NR2F2: variants seen among roughly 807,000 people sequenced by gnomAD.
The protein encoded by NR2F2 is COUP transcription factor 2.
In NR2F2, 2 loss-of-function variants were observed where a neutral mutation model predicts 34.8. The observed-to-expected ratio is 0.06, with a 90% CI of 0.02 to 0.18. The LOEUF (loss-of-function observed/expected upper bound fraction) is 0.18. NR2F2 is among the 10% of genes least tolerant of loss of function. The probability of loss-of-function intolerance (pLI) is 1.00; values close to 1 mark genes in which losing one functional copy is unlikely to be tolerated. For missense variants in NR2F2, 300 were observed against 580.1 expected (o/e 0.52, Z 4.96); for synonymous variants, 274 against 251.8 (o/e 1.09, Z -0.84).
chr15:96,334,247 A>G lies in NR2F2; in HGVS notation c.614A>G (p.Asn205Ser). 3 of 1,614,140 alleles carry G rather than the reference A, an allele frequency of 1.9e-6. No individual in the cohort carries two copies. The highest frequency in any genetic ancestry group is 2.5e-6 in the Non-Finnish European group (3 of 1,180,022). The change falls in exon 2 of 3, where the codon AAC becomes AGC. Residue 205 changes from asparagine to serine, a missense_variant. Transcript: ENST00000394166. ...RFGSQCMQPN[N>S]IMGIENICEL... ...GGCAGCCAATGCATGCAGCCCAACAACATCATGGGTATCGAGAACATTTGC... is the reference window on the plus strand; with the variant it reads ...GGCAGCCAATGCATGCAGCCCAACAGCATCATGGGTATCGAGAACATTTGC...
At position 96,332,087 on chromosome 15, in the gene NR2F2, G is replaced by C; in HGVS notation, c.-19G>C. The C allele has an allele frequency of 7.7e-7, 1 of 1,295,600 alleles. No homozygotes were observed. Among genetic ancestry groups the C allele is most frequent in the Non-Finnish European group, 9.8e-7 (1 of 1,020,804 alleles). The allele number at this position is 1,295,600 out of a possible 1,614,324, so 80.3% of individuals were successfully genotyped here. A position where few individuals can be genotyped will look rare whatever the true frequency, so the allele number is the denominator to read the frequency against. ...CCGCAGCCAGGGGAGCAGGAAGTCCGGACGCAGCCCCCATAGATATGGCAA... is the reference window on the plus strand; with the variant it reads ...CCGCAGCCAGGGGAGCAGGAAGTCCCGACGCAGCCCCCATAGATATGGCAA... On this transcript the variant is annotated 5_prime_UTR_variant, in exon 1 of 3. Coordinates refer to ENST00000394166, the MANE Select transcript of NR2F2 (RefSeq NM_021005.4).
Position 96,331,923 on chromosome 15 carries a change from A to G in NR2F2, c.-183A>G. ...AACTTTGCAAAAGCAAAAACAAAAA[A>G]GGAAAAACTAACCAACCTCAACCAA... On this transcript the variant is annotated 5_prime_UTR_variant, in exon 1 of 3. Transcript: ENST00000394166. 4.1e-6 allele frequency: 5 copies of G among 1,208,038 alleles called. No homozygotes were observed. The highest frequency in any genetic ancestry group is 5.1e-6 in the Non-Finnish European group (5 of 973,286). 74.8% of individuals were successfully genotyped at this position (1,208,038 alleles called of 1,614,324 possible).
rs1473207975 is a variant in NR2F2, at chr15:96,331,595, C to G, written c.-511C>G. The G allele has an allele frequency of 8.2e-7, 1 of 1,220,386 alleles. No homozygotes were observed. Among genetic ancestry groups the G allele is most frequent in the Non-Finnish European group, 1.0e-6 (1 of 979,930 alleles). The allele number at this position is 1,220,386 out of a possible 1,614,324, so 75.6% of individuals were successfully genotyped here. ...CCTCTTCCTCCTCCTCCTCCTCCTC[C>G]TCCTCCGCCAACTCCTCGGCTGCAC... On this transcript the variant is annotated 5_prime_UTR_variant, in exon 1 of 3. Coordinates refer to ENST00000394166, the MANE Select transcript of NR2F2 (RefSeq NM_021005.4).
chr15:96,331,052 GGCAGCAGCAGCA>G lies in NR2F2; in HGVS notation c.-1048_-1037del, dbSNP rs916162993. 3 of 1,238,762 alleles carry G rather than the reference GGCAGCAGCAGCA, an allele frequency of 2.4e-6. No homozygotes were observed. The highest frequency in any genetic ancestry group is 3.0e-6 in the Non-Finnish European group (3 of 994,818). The allele number at this position is 1,238,762 out of a possible 1,614,324, so 76.7% of individuals were successfully genotyped here. A position where few individuals can be genotyped will look rare whatever the true frequency, so the allele number is the denominator to read the frequency against. On this transcript the variant is annotated 5_prime_UTR_variant, in exon 1 of 3. Coordinates refer to ENST00000394166, the MANE Select transcript of NR2F2 (RefSeq NM_021005.4). ...TTCCCTATGTGTGTGAGGCGGCGGC[GGCAGCAGCAGCA>G]GCAGCGGCTCCGGCGGCGGCAGCAG... is the stretch of plus-strand genomic sequence containing the variant.
At chr15:96,327,986 C>T (rs1027574555), upstream of NR2F2, among the ~76,000 whole-genome samples, 2 of 152,206 alleles carry the variant, frequency 1.3e-5, no homozygotes, top group African/African-American at 2.4e-5. Context: ...TTGATTTTAT[C>T]TTCTCAGAGC....
At position 96,331,442 on chromosome 15, in the gene NR2F2, G is replaced by A. The variant is rs1224713445; in HGVS notation, c.-664G>A. ...TGGCTCCCTGGGCGCGCCCGCACCC[G>A]GCGCCTCCGATCTCCTAGTCCTCCT... On this transcript the variant is annotated 5_prime_UTR_variant, in exon 1 of 3. Coordinates refer to ENST00000394166, the MANE Select transcript of NR2F2 (RefSeq NM_021005.4). 8.1e-7 allele frequency: 1 copy of A among 1,231,304 alleles called. No individual in the cohort carries two copies. The highest frequency in any genetic ancestry group is 1.0e-6 in the Non-Finnish European group (1 of 988,038). 76.3% of individuals were successfully genotyped at this position (1,231,304 alleles called of 1,614,324 possible). A position where few individuals can be genotyped will look rare whatever the true frequency, so the allele number is the denominator to read the frequency against.
chr15:96,332,682 A>G (rs1899180389), intron 1 of NR2F2, 135 bp downstream of exon 1: 2 of 1,446,602 alleles, frequency 1.4e-6, no homozygotes, highest in South Asian at 1.5e-5. Context: ...GTTTTATACT[A>G]GAAGCGAGTT....
Position 96,337,616 on chromosome 15 carries a change from T to C in NR2F2, c.1239T>C (p.Ile413=), listed in dbSNP as rs773598271. ...GTTTTAACTGGCCGTATATGGCAAT[T>C]CAATAAATAAATAAAATAAGAAGGG... The part of the protein sequence containing the change: ...GSSFNWPYMA[I]Q The change falls in exon 3 of 3, where the codon ATT becomes ATC. Residue 413 remains isoleucine, a synonymous_variant. Coordinates refer to ENST00000394166, the MANE Select transcript of NR2F2 (RefSeq NM_021005.4). 6 of 1,610,020 alleles carry C rather than the reference T, an allele frequency of 3.7e-6. No individual in the cohort carries two copies. In the South Asian group the frequency reaches 6.6e-5, roughly 18 times the overall value.
chr15:96,334,697 C>T, intron 2 of NR2F2, 94 bp downstream of exon 2: 1 of 1,409,598 alleles, frequency 7.1e-7, no homozygotes, highest in South Asian at 1.4e-5. Flanking sequence ...ACCCAGTCTG[C>T]TCCTTGAAAG....
Position 96,332,265 on chromosome 15 carries a change from C to A in NR2F2, c.160C>A (p.Gln54Lys). ...AGGGGGCCCAGCCAGCACGCCAGCC[C>A]AGACGGCGGCCGGTGGCCAGGGCGG... ...GQGGPASTPA[Q>K]TAAGGQGGPG... Residue 54 changes from glutamine to lysine, a missense_variant, in exon 1 of 3, where the codon CAG becomes AAG. Coordinates refer to ENST00000394166, the MANE Select transcript of NR2F2 (RefSeq NM_021005.4). 6.5e-7 allele frequency: 1 copy of A among 1,548,136 alleles called. No homozygotes were observed.
Position 96,332,117 on chromosome 15 carries a change from A to G in NR2F2, c.12A>G (p.Val4=). ...CAGCCCCCATAGATATGGCAATGGT[A>G]GTCAGCACGTGGCGCGACCCCCAGG... MAM[V]VSTWRDPQDE... is the part of the protein sequence containing the mutation. The change falls in exon 1 of 3, where the codon GTA becomes GTG. Residue 4 remains valine, a synonymous_variant. Coordinates refer to ENST00000394166, the MANE Select transcript of NR2F2 (RefSeq NM_021005.4). 7.4e-7 allele frequency: 1 copy of G among 1,348,308 alleles called. No homozygotes were observed. The highest frequency in any genetic ancestry group is 2.0e-5 in the South Asian group (1 of 50,404). The allele number at this position is 1,348,308 out of a possible 1,614,324, so 83.5% of individuals were successfully genotyped here. A position where few individuals can be genotyped will look rare whatever the true frequency, so the allele number is the denominator to read the frequency against.
At position 96,338,846 on chromosome 15, in the gene NR2F2, C is replaced by CT. The variant is rs1276792576; in HGVS notation, c.*1225dup. ...CTGTCCCCACTCACTGTCTTTACAT[C>CT]TAGAAGAGCCCCTGTGAGCTCTCGC... On this transcript the variant is annotated 3_prime_UTR_variant, in exon 3 of 3. Coordinates refer to ENST00000394166, the MANE Select transcript of NR2F2 (RefSeq NM_021005.4). The CT allele has an allele frequency of 7.4e-6, 1 of 135,972 alleles. No homozygotes were observed. Among genetic ancestry groups the CT allele is most frequent in the Non-Finnish European group, 1.5e-5 (1 of 66,248 alleles). The allele number at this position is 135,972 out of a possible 1,614,324, so 8.4% of individuals were successfully genotyped here.
In NR2F2 at chr15:96,330,942, C is replaced by T; in HGVS notation, c.-1164C>T. The T allele has an allele frequency of 8.7e-7, 1 of 1,142,934 alleles. No individual in the cohort carries two copies. Among genetic ancestry groups the T allele is most frequent in the Non-Finnish European group, 1.1e-6 (1 of 929,282 alleles). 70.8% of individuals were successfully genotyped at this position (1,142,934 alleles called of 1,614,324 possible). A position where few individuals can be genotyped will look rare whatever the true frequency, so the allele number is the denominator to read the frequency against. On this transcript the variant is annotated 5_prime_UTR_variant, in exon 1 of 3. Coordinates refer to ENST00000394166, the MANE Select transcript of NR2F2 (RefSeq NM_021005.4). ...TCTCCGTCTTTTTCTCCCCCCTCTG[C>T]GCACGAAGGATGTGCTTCTAGGTGG...
At chr15:96,328,678 G>T (rs1348630810), upstream of NR2F2, among the ~76,000 whole-genome samples, 1 of 151,770 alleles carries the variant, frequency 6.6e-6, no homozygotes, top group East Asian at 1.9e-4. Context: ...TAATTAACCT[G>T]AAATTCTCAG....
Position 96,331,637 on chromosome 15 carries a change from A to C in NR2F2, c.-469A>C. Reference sequence around the variant, plus strand: ...CGGCTGCACACCAGCTCTAAGAGCGAGAGTGAACGAGAGAGGGAGGGAGAG... The same window carrying C: ...CGGCTGCACACCAGCTCTAAGAGCGCGAGTGAACGAGAGAGGGAGGGAGAG... On this transcript the variant is annotated 5_prime_UTR_variant, in exon 1 of 3. Transcript: ENST00000394166. 8.6e-7 allele frequency: 1 copy of C among 1,169,532 alleles called. No homozygotes were observed. 72.4% of individuals were successfully genotyped at this position (1,169,532 alleles called of 1,614,324 possible).
rs1363287301 is a variant in NR2F2, at chr15:96,332,091, G to A, written c.-15G>A. ...AGCCAGGGGAGCAGGAAGTCCGGAC[G>A]CAGCCCCCATAGATATGGCAATGGT... On this transcript the variant is annotated 5_prime_UTR_variant, in exon 1 of 3. Coordinates refer to ENST00000394166, the MANE Select transcript of NR2F2 (RefSeq NM_021005.4). 2.3e-6 allele frequency: 3 copies of A among 1,299,262 alleles called. No homozygotes were observed. Among genetic ancestry groups the A allele is most frequent in the South Asian group, 2.5e-5 (1 of 40,780 alleles). The allele number at this position is 1,299,262 out of a possible 1,614,324, so 80.5% of individuals were successfully genotyped here.
At chr15:96,336,593 TC>T (rs1250652521) in intron 2 of NR2F2, among the ~76,000 whole-genome samples, 2 of 148,558 alleles carry the variant, frequency 1.3e-5, no homozygotes, top group East Asian at 4.0e-4. Context: ...TTTTCACGTA[TC>T]AAAAAAGAAA....
chr15:96,326,318 G>T, upstream of NR2F2: 1 of 1,613,626 alleles, frequency 6.2e-7, no homozygotes, highest in Non-Finnish European at 8.5e-7. This position sits in a 1 kb window ranked among gnomAD's most constrained non-coding sequence, Gnocchi z 5.5. Context: ...AGATGCAAGC[G>T]GTTTGGGACC....
rs1190036242 is a variant in NR2F2, at chr15:96,331,076, GGCGGCGGCA to G, written c.-1027_-1019del. On this transcript the variant is annotated 5_prime_UTR_variant, in exon 1 of 3. Transcript: ENST00000394166. ...CGGCAGCAGCAGCAGCAGCGGCTCC[GGCGGCGGCA>G]GCAGCGGCAGCAGCGACTTCAGCGG... 25 of 1,236,236 alleles carry G rather than the reference GGCGGCGGCA, an allele frequency of 2.0e-5. No homozygotes were observed. Among genetic ancestry groups the G allele is most frequent in the African/African-American group, 3.1e-5 (2 of 63,904 alleles). The allele number at this position is 1,236,236 out of a possible 1,614,324, so 76.6% of individuals were successfully genotyped here. A position where few individuals can be genotyped will look rare whatever the true frequency, so the allele number is the denominator to read the frequency against.
Sources: allele counts gnomAD v4.1 joint callset (sites outside exome capture counted in the v4.1 genomes callset), GRCh38; gene constraint gnomAD v4.1.1; non-coding constraint Gnocchi (gnomAD v3.1); transcripts MANE v1.5; gene names NCBI Gene and HGNC (gene_info 2026-07-23, HGNC 2026-07-21).